ASB15: variants seen among roughly 807,000 people sequenced by gnomAD.
ASB15 encodes ankyrin repeat and SOCS box protein 15.
In ASB15, 54 loss-of-function variants were observed where a neutral mutation model predicts 58.0. The ratio of observed to expected loss-of-function variants is 0.93; its 90% CI spans 0.75 to 1.17. ASB15 has a LOEUF of 1.17. ASB15 is among the 50% of genes most tolerant of loss of function. ASB15 has a pLI of 0.00. For synonymous variants in ASB15, 249 were observed against 262.4 expected, an observed-to-expected ratio of 0.95 and a Z score of 0.50; for missense variants, 680 against 707.4, an observed-to-expected ratio of 0.96 and a Z score of 0.44.
chr7:123,600,865 C>T (rs574378906), upstream of ASB15, among the ~76,000 whole-genome samples: 6 of 151,884 alleles, frequency 4.0e-5, no homozygotes, highest in South Asian at 2.1e-4. Flanking sequence ...AGAGATGAGA[C>T]GAAAAACAAA....
intron 3 of ASB15, among the ~76,000 whole-genome samples, chr7:123,611,835 T>G (rs1451764855): frequency 6.6e-6 from 1 of 152,144 alleles, no homozygotes; most frequent in Non-Finnish European, 1.5e-5. Context: ...CATCTCAAGC[T>G]TTCAGGAAAA....
chr7:123,601,264 T>A (rs1799869912), upstream of ASB15, among the ~76,000 whole-genome samples: 3 of 152,200 alleles, frequency 2.0e-5, no homozygotes, highest in South Asian at 6.2e-4. Flanking sequence ...TATTAATACA[T>A]TTGCTACTCA....
intron 7 of ASB15, chr7:123,620,208 T>C (rs1040422353): frequency 5.3e-5 from 8 of 152,054 alleles, no homozygotes; most frequent in African/African-American, 1.9e-4. Context: ...AGTTCAGATT[T>C]TGTCACAATG....
chr7:123,627,876 A>G (rs1801896595), intron 9 of ASB15, among the ~76,000 whole-genome samples: 1 of 152,232 alleles, frequency 6.6e-6, no homozygotes, highest in Admixed American at 6.5e-5. Flanking sequence ...GTTTTAGGCA[A>G]TTAAATATAT....
intron 1 of ASB15, among the ~76,000 whole-genome samples, chr7:123,580,644 A>T (rs1799203727): frequency 6.6e-6 from 1 of 152,010 alleles, no homozygotes; most frequent in Non-Finnish European, 1.5e-5. Flanking sequence ...TCATCTCTCC[A>T]AGTGAATGCA....
intron 1 of ASB15, among the ~76,000 whole-genome samples, chr7:123,580,261 G>T (rs939944006): frequency 6.6e-6 from 1 of 152,042 alleles, no homozygotes; most frequent in Admixed American, 6.6e-5. Context: ...TAAGGTGGCA[G>T]ATGAAGTCCT....
intron 8 of ASB15, 21 bp downstream of exon 8, chr7:123,624,835 C>G (rs755624129): frequency 3.1e-5 from 50 of 1,605,696 alleles, no homozygotes; most frequent in Non-Finnish European, 3.7e-5. Context: ...AGGAGTTACA[C>G]TTCCTGACTT....
At chr7:123,585,280 G>C (rs1222973717) in intron 1 of ASB15, among the ~76,000 whole-genome samples, 2 of 151,510 alleles carry the variant, frequency 1.3e-5, no homozygotes, top group Non-Finnish European at 3.0e-5. Context: ...AAAATAAACT[G>C]TTTAACTGTT....
chr7:123,591,958 T>C (rs1456415960), intron 1 of ASB15, among the ~76,000 whole-genome samples: 3 of 152,202 alleles, frequency 2.0e-5, no homozygotes, highest in Non-Finnish European at 4.4e-5. Flanking sequence ...AGGCTATTAA[T>C]TAATGCCTCA....
At chr7:123,627,001 G>T (rs1801832164) in intron 8 of ASB15, 109 bp from the exon 9 acceptor site, 1 of 1,163,716 alleles carries the variant, frequency 8.6e-7, no homozygotes, top group Admixed American at 2.1e-5. Flanking sequence ...CTCCAGTGCT[G>T]GGATTACAGG....
intron 1 of ASB15, among the ~76,000 whole-genome samples, chr7:123,589,855 A>G (rs1479995158): frequency 6.6e-6 from 1 of 152,190 alleles, no homozygotes; most frequent in Non-Finnish European, 1.5e-5. Context: ...TCGCTAAGTC[A>G]AATGGTATTT....
chr7:123,602,476 C>T (rs1429615481), intron 1 of ASB15, among the ~76,000 whole-genome samples: 1 of 152,080 alleles, frequency 6.6e-6, no homozygotes, highest in Admixed American at 6.6e-5. Context: ...GATATCGTCA[C>T]TCATATTGTT....
chr7:123,627,935 G>A (rs747152736), intron 9 of ASB15, among the ~76,000 whole-genome samples: 11 of 152,128 alleles, frequency 7.2e-5, no homozygotes, highest in Non-Finnish European at 1.6e-4. Context: ...AGTTTTCAGT[G>A]GGCCATTGGC....
rs114113553 is a variant in ASB15, at chr7:123,625,816, A to C, written c.697+1002A>C. Among the ~76,000 whole-genome samples, 1,035 of 152,312 alleles carry C rather than the reference A, an allele frequency of 6.8e-3. 13 individuals carry two copies. Among genetic ancestry groups the C allele is most frequent in the African/African-American group, 0.024 (983 of 41,562 alleles). On this transcript the variant is annotated intron_variant, in intron 8 of 11. Coordinates refer to ENST00000451215, the MANE Select transcript of ASB15 (RefSeq NM_001290258.2). ...GTCCTCATCTGCAAATGACCTCTAG[A>C]ACCGCATGATCCCCAGTGATTCCCT...
chr7:123,619,649 G>C (rs1381943005), intron 7 of ASB15, among the ~76,000 whole-genome samples: 1 of 152,018 alleles, frequency 6.6e-6, no homozygotes, highest in African/African-American at 2.4e-5. Context: ...TCAGCCTCCC[G>C]AGTAGCTGGG....
chr7:123,578,801 T>G (rs891144257), intron 1 of ASB15, among the ~76,000 whole-genome samples: 2 of 152,130 alleles, frequency 1.3e-5, no homozygotes, highest in African/African-American at 2.4e-5. Context: ...TTAAACTATT[T>G]TATAAAGTCT....
intron 7 of ASB15, among the ~76,000 whole-genome samples, chr7:123,622,380 G>A (rs1458661165): frequency 6.6e-6 from 1 of 151,888 alleles, no homozygotes; most frequent in African/African-American, 2.4e-5. Context: ...TGTGCTTTAT[G>A]AGTTTTCATT....
intron 1 of ASB15, among the ~76,000 whole-genome samples, chr7:123,596,816 A>G (rs1015926583): frequency 6.6e-6 from 1 of 152,256 alleles, no homozygotes; most frequent in African/African-American, 2.4e-5. Flanking sequence ...ACAAATGCAC[A>G]TGAAAAGATC....
upstream of ASB15, chr7:123,598,963 T>G (rs1000966273): frequency 2.0e-5 from 3 of 152,148 alleles, no homozygotes; most frequent in Non-Finnish European, 4.4e-5. Context: ...GCGTACAGCA[T>G]AGCAAAAATA....
Sources: allele counts gnomAD v4.1 joint callset (sites outside exome capture counted in the v4.1 genomes callset), GRCh38; gene constraint gnomAD v4.1.1; transcripts MANE v1.5; gene names NCBI Gene and HGNC (gene_info 2026-07-23, HGNC 2026-07-21).